Variants in MAP2K4 observed in about 807,000 individuals in gnomAD.
The protein encoded by MAP2K4 is dual specificity mitogen-activated protein kinase kinase 4.
Under a neutral mutation model 48.5 loss-of-function variants are expected in MAP2K4, and 4 were observed. The ratio of observed to expected loss-of-function variants is 0.08; its 90% CI spans 0.04 to 0.19. MAP2K4 has a LOEUF of 0.19. Ranked by LOEUF, MAP2K4 falls within the 10% of genes least tolerant of loss-of-function variation. The pLI, the probability that MAP2K4 is intolerant of heterozygous loss-of-function variation, is 1.00. For missense variants in MAP2K4, 258 were observed against 493.3 expected (o/e 0.52, Z 4.52); for synonymous variants, 166 against 173.1 (o/e 0.96, Z 0.32).
At chr17:12,085,739 G>A (rs1173094449) in intron 3 of MAP2K4, among the ~76,000 whole-genome samples, 1 of 152,020 alleles carries the variant, frequency 6.6e-6, no homozygotes, top group East Asian at 1.9e-4. Context: ...TGATAGTAAG[G>A]ACTAGAGCCC....
intron 9 of MAP2K4, 31 bp from the exon 10 acceptor site, chr17:12,139,808 T>C (rs1159441990): frequency 6.8e-7 from 1 of 1,470,388 alleles, no homozygotes; most frequent in East Asian, 2.3e-5. Flanking sequence ...TGAATCTACA[T>C]TTTAATAATG....
At position 12,080,611 on chromosome 17, in the gene MAP2K4, G is replaced by A. The variant is rs567170646; in HGVS notation, c.219-745G>A. 2.6e-5 allele frequency among the ~76,000 whole-genome samples: 4 copies of A among 152,096 alleles called. No homozygotes were observed. In the South Asian group the frequency reaches 8.3e-4, roughly 32 times the overall value. ...TTATCCCATTGCTTTATCGAACGAG[G>A]GCTGAAAATTTCAATTTTGAATAGC... On this transcript the variant is annotated intron_variant, in intron 2 of 10. Transcript: ENST00000353533.
intron 9 of MAP2K4, among the ~76,000 whole-genome samples, chr17:12,138,747 A>G (rs1398112447): frequency 6.6e-6 from 1 of 152,148 alleles, no homozygotes; most frequent in Non-Finnish European, 1.5e-5. Flanking sequence ...TCTTGGGATC[A>G]ACACTACCAA....
chr17:12,030,775 CCT>C (rs1056387253), intron 1 of MAP2K4, among the ~76,000 whole-genome samples: 5 of 152,138 alleles, frequency 3.3e-5, no homozygotes, highest in Admixed American at 1.3e-4. Flanking sequence ...CTCCTTTTCA[CCT>C]CTTTCTTTTT....
chr17:12,114,566 T>TA (rs1455325884), intron 7 of MAP2K4, among the ~76,000 whole-genome samples: 1 of 151,882 alleles, frequency 6.6e-6, no homozygotes, highest in African/African-American at 2.4e-5. Context: ...AGGCAAGAAA[T>TA]AAAAAAAATT....
intron 4 of MAP2K4, among the ~76,000 whole-genome samples, chr17:12,104,862 AC>A (rs1432168623): frequency 8.5e-5 from 13 of 152,088 alleles, no homozygotes; most frequent in Non-Finnish European, 1.8e-4. Context: ...AAAGTTTTAA[AC>A]TTTTGCTTTT....
intron 7 of MAP2K4, among the ~76,000 whole-genome samples, chr17:12,123,528 TTTAC>T (rs1972759805): frequency 6.6e-6 from 1 of 152,170 alleles, no homozygotes; most frequent in Non-Finnish European, 1.5e-5. Context: ...CTATTCCTGT[TTTAC>T]TTGTCTTCAC....
intron 2 of MAP2K4, among the ~76,000 whole-genome samples, chr17:12,066,179 A>G (rs2151535117): frequency 1.3e-5 from 2 of 151,964 alleles, no homozygotes; most frequent in East Asian, 3.9e-4. Context: ...GAAGAAAGCC[A>G]AAATGGCCCA....
intron 2 of MAP2K4, among the ~76,000 whole-genome samples, chr17:12,065,129 A>G (rs1970567607): frequency 6.6e-6 from 1 of 152,210 alleles, no homozygotes. Flanking sequence ...ATTTTGTGAA[A>G]TAGAAAGGTG....
At chr17:12,113,086 T>G (rs1172730834) in intron 6 of MAP2K4, 147 bp from the exon 7 acceptor site, 3 of 560,806 alleles carry the variant, frequency 5.3e-6, no homozygotes, top group Non-Finnish European at 9.4e-6. Flanking sequence ...ATGTGATAAA[T>G]GAAGATGTTT....
At chr17:12,069,631 T>C in intron 2 of MAP2K4, 1 of 876,538 alleles carries the variant, frequency 1.1e-6, no homozygotes, top group Non-Finnish European at 1.4e-6. Context: ...ACATTTCATT[T>C]TTCAGTTTTT....
At chr17:12,045,499 A>G (rs1331864773) in intron 1 of MAP2K4, among the ~76,000 whole-genome samples, 1 of 152,204 alleles carries the variant, frequency 6.6e-6, no homozygotes, top group Non-Finnish European at 1.5e-5. Flanking sequence ...ATAGATGGAA[A>G]TCAGAACAAG....
chr17:12,105,575 T>C (rs1294161344), intron 4 of MAP2K4, among the ~76,000 whole-genome samples: 2 of 152,158 alleles, frequency 1.3e-5, no homozygotes, highest in African/African-American at 4.8e-5. Flanking sequence ...ATTTATTCAC[T>C]TCTTCTGCAT....
At chr17:12,062,637 C>T (rs779172870) in intron 2 of MAP2K4, among the ~76,000 whole-genome samples, 1 of 152,166 alleles carries the variant, frequency 6.6e-6, no homozygotes, top group Non-Finnish European at 1.5e-5. Context: ...TTGAAAATGT[C>T]TTTAAATAAA....
intron 5 of MAP2K4, 47 bp from the exon 6 acceptor site, chr17:12,110,328 A>G: frequency 7.5e-7 from 1 of 1,341,460 alleles, no homozygotes; most frequent in Non-Finnish European, 1.1e-6. Flanking sequence ...TGCTGTTTGA[A>G]TAAAAAGAAA....
intron 7 of MAP2K4, among the ~76,000 whole-genome samples, chr17:12,115,140 C>T (rs1972446133): frequency 1.3e-5 from 2 of 152,188 alleles, no homozygotes; most frequent in Non-Finnish European, 2.9e-5. Context: ...CTTAGGATTA[C>T]TCATTAGATT....
intron 4 of MAP2K4, among the ~76,000 whole-genome samples, chr17:12,105,372 C>T (rs1972075086): frequency 1.3e-5 from 2 of 152,080 alleles, no homozygotes; most frequent in South Asian, 4.1e-4. Context: ...CATAAAGGTT[C>T]TGCCTATTTT....
chr17:12,059,883 G>T (rs1295084238), intron 2 of MAP2K4, among the ~76,000 whole-genome samples: 1 of 152,166 alleles, frequency 6.6e-6, no homozygotes, highest in African/African-American at 2.4e-5. Context: ...TGCTGTCTTA[G>T]AATTAATGAC....
At position 12,113,256 on chromosome 17, in the gene MAP2K4, C is replaced by G; in HGVS notation, c.709C>G (p.Leu237Val). 6 of 1,613,498 alleles carry G rather than the reference C, an allele frequency of 3.7e-6. No homozygotes were observed. The highest frequency in any genetic ancestry group is 5.1e-6 in the Non-Finnish European group (6 of 1,179,620). Reference protein sequence around the residue: ...HRDIKPSNILLDRSGNIKLCD... With the variant: ...HRDIKPSNILVDRSGNIKLCD... Reference sequence around the variant, plus strand: ...AGATATCAAACCTTCCAATATTCTTCTGGACAGAAGTGGAAATATTAAGCT... The same window carrying G: ...AGATATCAAACCTTCCAATATTCTTGTGGACAGAAGTGGAAATATTAAGCT... Residue 237 changes from leucine to valine, a missense_variant, in exon 7 of 11, where the codon CTG becomes GTG. Leu to Val is a conservative substitution (Grantham distance 32). Transcript: ENST00000353533.
Sources: allele counts gnomAD v4.1 joint callset (sites outside exome capture counted in the v4.1 genomes callset), GRCh38; gene constraint gnomAD v4.1.1; transcripts MANE v1.5; gene names NCBI Gene and HGNC (gene_info 2026-07-23, HGNC 2026-07-21).